The following SHTN1 variants were observed in gnomAD, a reference collection of about 807,000 sequenced individuals.
SHTN1 encodes the protein shootin-1.
SHTN1 carries 42 observed loss-of-function variants against 83.1 expected under a neutral mutation model. The observed-to-expected ratio is 0.51, with a 90% confidence interval of 0.39 to 0.65. The LOEUF (loss-of-function observed/expected upper bound fraction) is 0.65, where lower values mean the gene tolerates loss of function less well. Among genes scored for constraint, SHTN1 ranks in the 30% least tolerant of loss-of-function variants. The pLI is 0.00. For synonymous variants in SHTN1, 224 were observed against 247.7 expected (o/e 0.90, Z 0.90); for missense variants, 622 against 737.8 (o/e 0.84, Z 1.82).
In SHTN1 at chr10:116,931,272, A is replaced by G. The variant is rs563073521; in HGVS notation, c.859-1270T>C. 2.0e-5 allele frequency among the ~76,000 whole-genome samples: 3 copies of G among 152,144 alleles called. No individual in the cohort carries two copies. In the East Asian group the frequency reaches 5.8e-4, roughly 29 times the overall value. On this transcript the variant is annotated intron_variant, in intron 9 of 16. Transcript: ENST00000355371. ...TTTGTTTTTGTTTTTGTTCTGAGAT[A>G]GAGTCTCACTCTTTCGGCCAGGCTG...
At chr10:116,983,492 G>A (rs1851103831) in intron 1 of SHTN1, among the ~76,000 whole-genome samples, 1 of 152,114 alleles carries the variant, frequency 6.6e-6, no homozygotes. Flanking sequence ...TGGCAAAGAA[G>A]TAAAAGCACT....
intron 1 of SHTN1, among the ~76,000 whole-genome samples, chr10:117,111,597 T>C (rs1853769443): frequency 1.3e-5 from 2 of 152,146 alleles, no homozygotes; most frequent in Non-Finnish European, 2.9e-5. Context: ...TGGCCAAGAA[T>C]GTGCACTTCT....
At position 117,085,556 on chromosome 10, in the gene SHTN1, G is replaced by A. The variant is rs541517824; in HGVS notation, c.-188-37046C>T. ...ATAGCTCAGAATGTGGTCTACCTTG[G>A]TGAATGTTTCATGTGAGCTCAAAAA... On this transcript the variant is annotated intron_variant, in intron 1 of 17. Transcript: ENST00000392901. Among the ~76,000 whole-genome samples the A allele has an allele frequency of 2.0e-5, 3 of 152,268 alleles. No individual in the cohort carries two copies. In the East Asian group the frequency reaches 5.8e-4, roughly 29 times the overall value.
intron 5 of SHTN1, among the ~76,000 whole-genome samples, chr10:116,953,623 G>GTTTTTTTTTTTTTT (rs759706275): frequency 6.9e-4 from 64 of 92,708 alleles, no homozygotes; most frequent in Non-Finnish European, 8.7e-4. Context: ...TTTGTGTTTT[G>GTTTTTTTTTTTTTT]TTTTTTTTTT....
intron 2 of SHTN1, among the ~76,000 whole-genome samples, chr10:117,014,289 A>G (rs1852149006): frequency 6.6e-6 from 1 of 152,212 alleles, no homozygotes; most frequent in Non-Finnish European, 1.5e-5. Context: ...ACTTTGCTGC[A>G]TGCAAATTTA....
intron 3 of SHTN1, among the ~76,000 whole-genome samples, chr10:116,967,925 TG>T (rs1456117367): frequency 1.3e-5 from 2 of 152,234 alleles, no homozygotes; most frequent in African/African-American, 4.8e-5. Flanking sequence ...GGCTCCCGCC[TG>T]TAATTCCAGC....
intron 1 of SHTN1, among the ~76,000 whole-genome samples, chr10:116,984,287 A>G (rs1851150174): frequency 6.6e-6 from 1 of 152,184 alleles, no homozygotes; most frequent in Admixed American, 6.5e-5. Flanking sequence ...AACTAAAGAA[A>G]ATGTAAAATT....
intron 2 of SHTN1, among the ~76,000 whole-genome samples, chr10:117,019,769 G>T (rs1437803728): frequency 6.6e-6 from 1 of 151,094 alleles, no homozygotes; most frequent in Non-Finnish European, 1.5e-5. Context: ...TAAGGTTACA[G>T]TGAGCTATGA....
intron 2 of SHTN1, among the ~76,000 whole-genome samples, chr10:117,010,733 C>G (rs1037216135): frequency 5.3e-5 from 8 of 152,140 alleles, no homozygotes; most frequent in African/African-American, 1.4e-4. Context: ...TTATACACCA[C>G]GACCAGGTAG....
rs1047123244 is a variant in SHTN1, at chr10:116,883,493, C to T, written c.*2851G>A. 10 of 152,188 alleles carry T rather than the reference C, an allele frequency of 6.6e-5. No homozygotes were observed. Among genetic ancestry groups the T allele is most frequent in the African/African-American group, 2.4e-4 (10 of 41,444 alleles). 9.4% of individuals were successfully genotyped at this position (152,188 alleles called of 1,614,324 possible). A position where few individuals can be genotyped will look rare whatever the true frequency, so the allele number is the denominator to read the frequency against. On this transcript the variant is annotated 3_prime_UTR_variant, in exon 17 of 17. Coordinates refer to ENST00000355371, the MANE Select transcript of SHTN1 (RefSeq NM_001127211.3). ...ACAGATGGTTATCCATTCTCGACAA[C>T]TTACTGGTATATAAGCTAATGTTGT...
intron 1 of SHTN1, among the ~76,000 whole-genome samples, chr10:117,058,573 C>T (rs756400196): frequency 2.0e-5 from 3 of 152,086 alleles, no homozygotes; most frequent in Non-Finnish European, 2.9e-5. Flanking sequence ...TTACGCACTG[C>T]TTGTGGAAAT....
At chr10:116,891,451 T>C (rs1324431073) in intron 16 of SHTN1, among the ~76,000 whole-genome samples, 1 of 152,202 alleles carries the variant, frequency 6.6e-6, no homozygotes, top group Non-Finnish European at 1.5e-5. Flanking sequence ...CTGAACTCTG[T>C]TTCATTTACA....
intron 1 of SHTN1, among the ~76,000 whole-genome samples, chr10:117,000,809 A>G (rs988922479): frequency 2.0e-5 from 3 of 152,176 alleles, no homozygotes; most frequent in African/African-American, 7.2e-5. Flanking sequence ...TGGCCAAACT[A>G]GGCCAATCAG....
intron 1 of SHTN1, among the ~76,000 whole-genome samples, chr10:117,121,181 A>T (rs1055030192): frequency 5.9e-5 from 9 of 152,222 alleles, no homozygotes; most frequent in Admixed American, 4.6e-4. Context: ...TCGATAAAAA[A>T]ATTGTTTAAA....
At chr10:116,907,635 T>C (rs1041968783) in intron 14 of SHTN1, among the ~76,000 whole-genome samples, 3 of 152,170 alleles carry the variant, frequency 2.0e-5, no homozygotes, top group Non-Finnish European at 4.4e-5. Flanking sequence ...ATTTAATACA[T>C]CAACAAGTCT....
At chr10:117,037,564 A>T (rs566462243) in intron 2 of SHTN1, among the ~76,000 whole-genome samples, 75 of 152,322 alleles carry the variant, frequency 4.9e-4, no homozygotes, top group African/African-American at 1.5e-3. Context: ...TCTAAAGCTT[A>T]TAAAGAGAGG....
intron 1 of SHTN1, among the ~76,000 whole-genome samples, chr10:117,063,525 T>C (rs1353378462): frequency 1.3e-5 from 2 of 152,206 alleles, no homozygotes; most frequent in Non-Finnish European, 2.9e-5. Context: ...TGTTAGCCAA[T>C]TCCCTGTATT....
chr10:117,085,706 T>G (rs1853340352), intron 1 of SHTN1, among the ~76,000 whole-genome samples: 1 of 152,228 alleles, frequency 6.6e-6, no homozygotes. Context: ...CAATTACTGA[T>G]AGAAGTGTGT....
intron 1 of SHTN1, among the ~76,000 whole-genome samples, chr10:117,069,704 T>C (rs1245231393): frequency 6.6e-6 from 1 of 152,172 alleles, no homozygotes; most frequent in Non-Finnish European, 1.5e-5. Flanking sequence ...ACTAAGAACA[T>C]TTTATCTTCA....
Sources: gnomAD v4.1 joint callset for allele counts (sites outside exome capture counted in the v4.1 genomes callset) on GRCh38, gnomAD v4.1.1 for gene constraint, MANE v1.5 for transcripts, NCBI Gene and HGNC (gene_info 2026-07-23, HGNC 2026-07-21) for gene names.